The following OTUD7A variants were observed in gnomAD, a reference collection of about 807,000 sequenced individuals.
OTUD7A encodes OTU domain-containing protein 7A.
OTUD7A carries 12 observed loss-of-function variants against 65.7 expected under a neutral mutation model. The ratio of observed to expected loss-of-function variants is 0.18; its 90% CI spans 0.12 to 0.30. The LOEUF is 0.30. OTUD7A is among the 10% of genes least tolerant of loss of function. OTUD7A has a pLI of 1.00. For missense variants in OTUD7A, 1,148 were observed against 1,304.8 expected, an observed-to-expected ratio of 0.88 and a Z score of 1.85; for synonymous variants, 641 against 586.3, an observed-to-expected ratio of 1.09 and a Z score of -1.35.
chr15:31,762,312 G>A (rs1894987474), intron 1 of OTUD7A, among the ~76,000 whole-genome samples: 1 of 152,164 alleles, frequency 6.6e-6, no homozygotes, highest in Non-Finnish European at 1.5e-5. Context: ...TCAAGGGCTT[G>A]GAGCAAATCC....
intron 1 of OTUD7A, among the ~76,000 whole-genome samples, chr15:31,737,240 T>C (rs1894216502): frequency 6.6e-6 from 1 of 152,174 alleles, no homozygotes; most frequent in Non-Finnish European, 1.5e-5. Flanking sequence ...GAAAAATCGT[T>C]GAAACACATA....
chr15:31,616,577 G>T (rs1890594000), intron 3 of OTUD7A, among the ~76,000 whole-genome samples: 2 of 152,002 alleles, frequency 1.3e-5, no homozygotes, highest in African/African-American at 4.8e-5. Context: ...ACAGAGTCTT[G>T]CTCTGTCTCC....
intron 10 of OTUD7A, among the ~76,000 whole-genome samples, chr15:31,499,147 G>C (rs1249163026): frequency 1.3e-5 from 2 of 152,200 alleles, no homozygotes; most frequent in African/African-American, 2.4e-5. Flanking sequence ...GGAAGTGGGT[G>C]GTGGGAAGAA....
chr15:31,661,263 A>C (rs988611783), intron 1 of OTUD7A, among the ~76,000 whole-genome samples: 3 of 152,226 alleles, frequency 2.0e-5, no homozygotes. Flanking sequence ...TTTGTCTTAC[A>C]TGCATTGAAA....
At chr15:31,657,574 G>A (rs1892030281) in intron 1 of OTUD7A, among the ~76,000 whole-genome samples, 1 of 150,962 alleles carries the variant, frequency 6.6e-6, no homozygotes, top group Non-Finnish European at 1.5e-5. Context: ...TGTTAGCTAG[G>A]ATGGTCTCGA....
chr15:31,783,233 C>A (rs1377821856), intron 1 of OTUD7A, among the ~76,000 whole-genome samples: 1 of 152,174 alleles, frequency 6.6e-6, no homozygotes, highest in African/African-American at 2.4e-5. Context: ...AATGGAAAAT[C>A]AGAGCTTAAC....
chr15:31,743,474 C>T (rs1166160356), intron 1 of OTUD7A, among the ~76,000 whole-genome samples: 2 of 151,548 alleles, frequency 1.3e-5, no homozygotes, highest in Non-Finnish European at 1.5e-5. Context: ...AGTTATAGTA[C>T]TAAACACATA....
intron 1 of OTUD7A, among the ~76,000 whole-genome samples, chr15:31,683,579 A>G (rs938712332): frequency 1.2e-4 from 19 of 152,232 alleles, no homozygotes; most frequent in African/African-American, 4.6e-4. Flanking sequence ...ATTACATAGC[A>G]TAGTGCCTGG....
At chr15:31,648,280 C>T (rs986244907) in intron 3 of OTUD7A, among the ~76,000 whole-genome samples, 4 of 152,144 alleles carry the variant, frequency 2.6e-5, no homozygotes, top group African/African-American at 9.7e-5. Flanking sequence ...AAATGAGCAA[C>T]TGAAGCAAGA....
intron 1 of OTUD7A, among the ~76,000 whole-genome samples, chr15:31,787,901 G>C (rs1439085626): frequency 6.6e-6 from 1 of 152,212 alleles, no homozygotes; most frequent in African/African-American, 2.4e-5. Context: ...AAATCCTCCA[G>C]TAATGGTCCA....
intron 1 of OTUD7A, among the ~76,000 whole-genome samples, chr15:31,740,625 G>A (rs8033254): frequency 0.28 from 42,403 of 151,650 alleles, 6,062 homozygotes; most frequent in Admixed American, 0.32. Context: ...ATAAGTGAGA[G>A]GGGGAAAAAA....
intron 5 of OTUD7A, among the ~76,000 whole-genome samples, chr15:31,551,358 C>CA (rs1359803033): frequency 2.6e-5 from 4 of 152,196 alleles, no homozygotes; most frequent in Non-Finnish European, 4.4e-5. Context: ...ACAGAGTGGT[C>CA]ATTCCCAACT....
chr15:31,775,335 G>A (rs1895347995), intron 1 of OTUD7A, among the ~76,000 whole-genome samples: 1 of 152,202 alleles, frequency 6.6e-6, no homozygotes, highest in African/African-American at 2.4e-5. Flanking sequence ...ATTATGTAAT[G>A]AGGATTATTT....
At chr15:31,493,843 T>TATA (rs2041349817) in intron 10 of OTUD7A, among the ~76,000 whole-genome samples, 1 of 141,990 alleles carries the variant, frequency 7.0e-6, no homozygotes, top group African/African-American at 2.5e-5. Context: ...ATTTGTATGG[T>TATA]GTAGTTACAG....
At chr15:31,781,219 C>T (rs1595764571) in intron 1 of OTUD7A, among the ~76,000 whole-genome samples, 2 of 152,284 alleles carry the variant, frequency 1.3e-5, no homozygotes, top group South Asian at 2.1e-4. Flanking sequence ...GATGCAGCCT[C>T]GTTCACTAGA....
rs1292598826 is a variant in OTUD7A at position 31,481,643 on chromosome 15, C to T, written c.*1651G>A. 1.3e-5 allele frequency: 2 copies of T among 152,228 alleles called. No individual in the cohort carries two copies. The highest frequency in any genetic ancestry group is 2.1e-4 in the South Asian group (1 of 4,832). 9.4% of individuals were successfully genotyped at this position (152,228 alleles called of 1,614,324 possible). A position where few individuals can be genotyped will look rare whatever the true frequency, so the allele number is the denominator to read the frequency against. ...AACTTGAACAAATTACTGAAAACTCCACCTGCTGTGGAATAATTAAAAACA... is the reference window on the plus strand; with the variant it reads ...AACTTGAACAAATTACTGAAAACTCTACCTGCTGTGGAATAATTAAAAACA... On this transcript the variant is annotated 3_prime_UTR_variant, in exon 13 of 13. Transcript: ENST00000307050.
intron 1 of OTUD7A, among the ~76,000 whole-genome samples, chr15:31,852,213 T>G (rs890787418): frequency 6.6e-6 from 1 of 152,170 alleles, no homozygotes; most frequent in Admixed American, 6.5e-5. Context: ...ACAGTAAGTG[T>G]GGGTGCCCTC....
chr15:31,736,372 T>C (rs1340432099), intron 1 of OTUD7A, among the ~76,000 whole-genome samples: 5 of 152,208 alleles, frequency 3.3e-5, no homozygotes, highest in African/African-American at 7.2e-5. Flanking sequence ...ACTCAGCATA[T>C]TACTCTGTAT....
intron 1 of OTUD7A, among the ~76,000 whole-genome samples, chr15:31,758,435 A>T (rs566087132): frequency 1.3e-5 from 2 of 149,194 alleles, no homozygotes; most frequent in South Asian, 4.3e-4. Context: ...TAAAATTAGC[A>T]GGTACGATCA....
Sources: allele counts gnomAD v4.1 joint callset (sites outside exome capture counted in the v4.1 genomes callset), GRCh38; gene constraint gnomAD v4.1.1; transcripts MANE v1.5; gene names NCBI Gene and HGNC (gene_info 2026-07-23, HGNC 2026-07-21).